Variants in PRKCB observed in about 807,000 individuals in gnomAD.
The protein encoded by PRKCB is protein kinase C beta type.
Under a neutral mutation model 81.5 loss-of-function variants are expected in PRKCB, and 13 were observed. That is an observed-to-expected ratio of 0.16 (90% confidence interval 0.10 to 0.25). PRKCB has a LOEUF of 0.25. Ranked by LOEUF, PRKCB falls within the 10% of genes least tolerant of loss-of-function variation. PRKCB has a pLI of 1.00. For synonymous variants in PRKCB, 335 were observed against 321.4 expected (o/e 1.04, Z -0.45); for missense variants, 509 against 875.7 (o/e 0.58, Z 5.29).
chr16:23,965,516 T>C (rs1278807672), intron 2 of PRKCB, among the ~76,000 whole-genome samples: 3 of 152,234 alleles, frequency 2.0e-5, no homozygotes, highest in Non-Finnish European at 2.9e-5. Context: ...ATGGATGAGT[T>C]AGGAATCAAT....
chr16:24,069,245 C>G (rs148149167), intron 5 of PRKCB, among the ~76,000 whole-genome samples: 2 of 152,072 alleles, frequency 1.3e-5, no homozygotes, highest in Non-Finnish European at 2.9e-5. Context: ...CAGGAGGTGC[C>G]GTGTTAGAGG....
chr16:23,908,203 G>A (rs1200655005), intron 2 of PRKCB, among the ~76,000 whole-genome samples: 2 of 152,080 alleles, frequency 1.3e-5, no homozygotes, highest in East Asian at 1.9e-4. Context: ...GAGAGCTGGG[G>A]CGGCGGGGAT....
chr16:24,188,399 G>T (rs990752006), intron 15 of PRKCB, among the ~76,000 whole-genome samples: 1 of 152,096 alleles, frequency 6.6e-6, no homozygotes, highest in African/African-American at 2.4e-5. Context: ...CATGGCTTCG[G>T]GCACATTAGA....
chr16:24,035,376 C>T, intron 4 of PRKCB, 43 bp from the exon 5 acceptor site: 2 of 1,599,100 alleles, frequency 1.3e-6, no homozygotes, highest in South Asian at 1.1e-5. Flanking sequence ...CAGCCCCCAG[C>T]CTGGGCCAGC....
chr16:23,885,296 C>G (rs1265366595), intron 2 of PRKCB, among the ~76,000 whole-genome samples: 1 of 152,026 alleles, frequency 6.6e-6, no homozygotes, highest in Non-Finnish European at 1.5e-5. Context: ...CCACTATCCA[C>G]AGCTCTTTTT....
At chr16:23,892,990 A>T (rs1466364662) in intron 2 of PRKCB, 1 of 150,566 alleles carries the variant, frequency 6.6e-6, no homozygotes, top group Non-Finnish European at 1.5e-5. Context: ...GCATTCCTTG[A>T]TCACTCAGTC....
At chr16:24,037,373 A>G (rs1284617820) in intron 5 of PRKCB, among the ~76,000 whole-genome samples, 1 of 152,228 alleles carries the variant, frequency 6.6e-6, no homozygotes, top group Non-Finnish European at 1.5e-5. Flanking sequence ...CAATAATAAT[A>G]AAACAATAGC....
At chr16:24,076,833 G>A (rs1327031999) in intron 5 of PRKCB, among the ~76,000 whole-genome samples, 1 of 152,156 alleles carries the variant, frequency 6.6e-6, no homozygotes, top group African/African-American at 2.4e-5. Flanking sequence ...AGAGGCATAG[G>A]GTGGGGGCTG....
At chr16:23,999,084 A>G (rs925663089) in intron 3 of PRKCB, among the ~76,000 whole-genome samples, 3 of 152,218 alleles carry the variant, frequency 2.0e-5, no homozygotes, top group Non-Finnish European at 4.4e-5. Context: ...GACTCAGTTC[A>G]TTGACCTTTT....
At chr16:24,041,394 A>G (rs1366163627) in intron 5 of PRKCB, among the ~76,000 whole-genome samples, 3 of 151,992 alleles carry the variant, frequency 2.0e-5, no homozygotes, top group African/African-American at 7.3e-5. Context: ...GTATCTACCT[A>G]TCAACATAAC....
chr16:23,880,589 G>A lies in PRKCB; in HGVS notation c.205+43183G>A, dbSNP rs376463644. On this transcript the variant is annotated intron_variant, in intron 2 of 16. Transcript: ENST00000643927. Reference sequence around the variant, plus strand: ...CTTTGTATTTTCTATTTGTTACTGGGGGTTCTTTCTGTGCTATAATTTTAC... The same window carrying A: ...CTTTGTATTTTCTATTTGTTACTGGAGGTTCTTTCTGTGCTATAATTTTAC... Among the ~76,000 whole-genome samples the A allele has an allele frequency of 1.6e-4, 24 of 151,890 alleles. 1 individual carries two copies. In the South Asian group the frequency reaches 4.2e-3, roughly 26 times the overall value.
intron 8 of PRKCB, among the ~76,000 whole-genome samples, chr16:24,115,651 C>G (rs1966729340): frequency 6.6e-6 from 1 of 150,786 alleles, no homozygotes; most frequent in East Asian, 2.0e-4. Context: ...TTTCCCAAGA[C>G]TATTTATCCC....
chr16:24,157,753 A>C lies in PRKCB; in HGVS notation c.1239+2896A>C, dbSNP rs569080506. Among the ~76,000 whole-genome samples the C allele has an allele frequency of 4.0e-5, 6 of 150,352 alleles. No individual in the cohort carries two copies. The South Asian group carries it at 1.3e-3, about 32-fold the overall frequency. ...TCTCACGAGATCTGATGGTTTTATG[A>C]GGGACTTTTACCCCATTTCGCTCTG... On this transcript the variant is annotated intron_variant, in intron 10 of 16. Coordinates refer to ENST00000643927, the MANE Select transcript of PRKCB (RefSeq NM_002738.7).
intron 16 of PRKCB, among the ~76,000 whole-genome samples, chr16:24,204,370 C>T (rs557072889): frequency 2.0e-5 from 3 of 152,230 alleles, no homozygotes; most frequent in African/African-American, 4.8e-5. Context: ...TGGAATTGAA[C>T]AGATGGGCTC....
chr16:23,863,162 G>A (rs1597214451), intron 2 of PRKCB, among the ~76,000 whole-genome samples: 2 of 133,922 alleles, frequency 1.5e-5, no homozygotes, highest in South Asian at 2.3e-4. Flanking sequence ...ATATACACAT[G>A]CATATATATG....
In PRKCB at chr16:23,953,280, A is replaced by G. The variant is rs571213342; in HGVS notation, c.206-35228A>G. On this transcript the variant is annotated intron_variant, in intron 2 of 16. Coordinates refer to ENST00000643927, the MANE Select transcript of PRKCB (RefSeq NM_002738.7). The stretch of plus-strand genomic sequence containing the variant: ...CTGTCTACCGGGGTTTTATTTTCCA[A>G]TATTGACTTCGGGGCTGACATTTAG... Among the ~76,000 whole-genome samples, 12 of 152,238 alleles carry G rather than the reference A, an allele frequency of 7.9e-5. 1 individual carries two copies. The South Asian group carries it at 2.1e-3, about 26-fold the overall frequency.
At chr16:23,852,310 T>C (rs548966003) in intron 2 of PRKCB, among the ~76,000 whole-genome samples, 1 of 152,328 alleles carries the variant, frequency 6.6e-6, no homozygotes, top group African/African-American at 2.4e-5. Context: ...TGCTGAGTAC[T>C]TTTTTCATGA....
chr16:24,053,265 C>T (rs1466183274), intron 5 of PRKCB, among the ~76,000 whole-genome samples: 1 of 152,248 alleles, frequency 6.6e-6, no homozygotes. Context: ...AGCCAAAGTC[C>T]TGCCCTCATG....
At chr16:24,211,952 C>CG (rs1294583949) in intron 16 of PRKCB, among the ~76,000 whole-genome samples, 1 of 152,152 alleles carries the variant, frequency 6.6e-6, no homozygotes, top group Non-Finnish European at 1.5e-5. Flanking sequence ...ACTTCTGCTT[C>CG]CCTCAACAAA....
Sources: allele counts gnomAD v4.1 joint callset (sites outside exome capture counted in the v4.1 genomes callset), GRCh38; gene constraint gnomAD v4.1.1; transcripts MANE v1.5; gene names NCBI Gene and HGNC (gene_info 2026-07-23, HGNC 2026-07-21).